Variants in DCSTAMP observed in about 807,000 individuals in gnomAD.
DCSTAMP encodes the protein dendrocyte expressed seven transmembrane protein.
A neutral mutation model predicts 33.8 loss-of-function variants in DCSTAMP; 25 were observed. The observed-to-expected ratio is 0.74, with a 90% CI of 0.54 to 1.03. DCSTAMP has a LOEUF of 1.03. DCSTAMP is among the 50% of genes least tolerant of loss of function. The pLI is 0.00. For missense variants in DCSTAMP, 531 were observed against 556.8 expected (o/e 0.95, Z 0.47); for synonymous variants, 245 against 216.7 (o/e 1.13, Z -1.15).
At chr8:104,342,055 G>A (rs2099382978) in intron 1 of DCSTAMP, among the ~76,000 whole-genome samples, 1 of 152,210 alleles carries the variant, frequency 6.6e-6, no homozygotes, top group African/African-American at 2.4e-5. Flanking sequence ...CGATGGAGAG[G>A]CAGAGGGAGG....
At chr8:104,349,729 C>T in intron 2 of DCSTAMP, 148 bp downstream of exon 2, 2 of 851,806 alleles carry the variant, frequency 2.3e-6, no homozygotes, top group Non-Finnish European at 3.6e-6. Context: ...TAGAAGGAAC[C>T]CAACAATTGC....
In DCSTAMP at chr8:104,356,239, C is replaced by G. The variant is rs760216940; in HGVS notation, c.*41C>G. On this transcript the variant is annotated 3_prime_UTR_variant, in exon 4 of 4. Transcript: ENST00000297581. ...CCTCAGCCACATCGCACCAACAATT[C>G]TCTTCAGGTCTAGGATGGCAGTCAC... is the stretch of plus-strand genomic sequence containing the variant. 1 of 1,580,458 alleles carries G rather than the reference C, an allele frequency of 6.3e-7. No homozygotes were observed. Among genetic ancestry groups the G allele is most frequent in the South Asian group, 1.1e-5 (1 of 87,252 alleles).
intron 2 of DCSTAMP, among the ~76,000 whole-genome samples, chr8:104,351,665 C>A (rs1018429924): frequency 6.6e-6 from 1 of 152,126 alleles, no homozygotes; most frequent in Admixed American, 6.5e-5. Context: ...AGTTCCCAAG[C>A]CATGTAACAC....
intron 1 of DCSTAMP, among the ~76,000 whole-genome samples, chr8:104,342,520 A>G (rs1477156195): frequency 6.6e-6 from 1 of 152,210 alleles, no homozygotes; most frequent in Non-Finnish European, 1.5e-5. Flanking sequence ...CTACAAGTTA[A>G]ATGGGGGCAT....
rs374638234 is a variant in DCSTAMP, at chr8:104,352,020, G to C, written c.1029+2439G>C. On this transcript the variant is annotated intron_variant, in intron 2 of 3. Coordinates refer to ENST00000297581, the MANE Select transcript of DCSTAMP (RefSeq NM_030788.4). The stretch of plus-strand genomic sequence containing the variant: ...CATATTTATGGGGTATCCAGTAGCT[G>C]TTTCCACGGGTCTGATTTGCCCTAC... 3.3e-5 allele frequency among the ~76,000 whole-genome samples: 5 copies of C among 152,182 alleles called. No individual in the cohort carries two copies. In the South Asian group the frequency reaches 8.3e-4, roughly 25 times the overall value.
chr8:104,351,968 AT>A (rs1377480533), intron 2 of DCSTAMP, among the ~76,000 whole-genome samples: 1 of 152,146 alleles, frequency 6.6e-6, no homozygotes, highest in Non-Finnish European at 1.5e-5. Flanking sequence ...TTTTATTGTT[AT>A]TTTTAATTGA....
intron 1 of DCSTAMP, among the ~76,000 whole-genome samples, chr8:104,346,147 A>G (rs186668576): frequency 1.0e-3 from 154 of 149,080 alleles, no homozygotes; most frequent in Middle Eastern, 3.4e-3. Context: ...TGCCAGATGC[A>G]AAGAGCATCT....
intron 1 of DCSTAMP, among the ~76,000 whole-genome samples, chr8:104,340,705 C>T (rs565416374): frequency 3.3e-5 from 5 of 152,326 alleles, no homozygotes; most frequent in South Asian, 2.1e-4. Flanking sequence ...TCCAAGGCCA[C>T]GCAACCTGGC....
chr8:104,342,675 G>A (rs991294426), intron 1 of DCSTAMP, among the ~76,000 whole-genome samples: 3 of 152,172 alleles, frequency 2.0e-5, no homozygotes, highest in Admixed American at 6.5e-5. Context: ...GCTGCCTGCA[G>A]GGGACAGGAT....
At position 104,356,233 on chromosome 8, in the gene DCSTAMP, A is replaced by T; in HGVS notation, c.*35A>T. 1 of 1,593,534 alleles carries T rather than the reference A, an allele frequency of 6.3e-7. No homozygotes were observed. The highest frequency in any genetic ancestry group is 8.6e-7 in the Non-Finnish European group (1 of 1,168,232). On this transcript the variant is annotated 3_prime_UTR_variant, in exon 4 of 4. Transcript: ENST00000297581. ...ACTACTCCTCAGCCACATCGCACCAACAATTCTCTTCAGGTCTAGGATGGC... is the reference window on the plus strand; with the variant it reads ...ACTACTCCTCAGCCACATCGCACCATCAATTCTCTTCAGGTCTAGGATGGC...
At chr8:104,354,442 G>A (rs994700468) in intron 2 of DCSTAMP, among the ~76,000 whole-genome samples, 1 of 152,006 alleles carries the variant, frequency 6.6e-6, no homozygotes. Flanking sequence ...TCTTTCTTTC[G>A]CCCCATGTGT....
chr8:104,344,253 A>C (rs7014121), intron 1 of DCSTAMP, among the ~76,000 whole-genome samples: 1 of 152,150 alleles, frequency 6.6e-6, no homozygotes, highest in Non-Finnish European at 1.5e-5. Flanking sequence ...AGTAATTTAA[A>C]TTTTATTTAA....
intron 1 of DCSTAMP, among the ~76,000 whole-genome samples, chr8:104,340,930 G>T (rs930928144): frequency 1.3e-5 from 2 of 152,210 alleles, no homozygotes; most frequent in Non-Finnish European, 2.9e-5. Flanking sequence ...TTGTCCCCTG[G>T]GGTGTCTGCA....
Position 104,348,551 on chromosome 8 carries a change from G to A in DCSTAMP, c.-2G>A. On this transcript the variant is annotated 5_prime_UTR_variant, in exon 2 of 4. Transcript: ENST00000297581. ...CTTTTTCATTTTCAGGACGCAGGGA[G>A]CATGGGTATCTGGACCTCAGGCACT... The A allele has an allele frequency of 1.9e-6, 3 of 1,611,656 alleles. No homozygotes were observed. The highest frequency in any genetic ancestry group is 2.5e-6 in the Non-Finnish European group (3 of 1,178,702).
At chr8:104,351,305 C>A (rs1810454878) in intron 2 of DCSTAMP, among the ~76,000 whole-genome samples, 1 of 152,180 alleles carries the variant, frequency 6.6e-6, no homozygotes, top group Admixed American at 6.5e-5. Context: ...TGTGTGTATG[C>A]ACATGTATGG....
intron 2 of DCSTAMP, among the ~76,000 whole-genome samples, chr8:104,351,388 G>A (rs1810460377): frequency 6.6e-6 from 1 of 152,186 alleles, no homozygotes. Flanking sequence ...TAATGCAGGT[G>A]AACCCCAAAA....
intron 2 of DCSTAMP, among the ~76,000 whole-genome samples, chr8:104,350,040 C>T (rs1406236876): frequency 6.6e-6 from 1 of 152,144 alleles, no homozygotes; most frequent in Non-Finnish European, 1.5e-5. Flanking sequence ...TCTCTCTCTG[C>T]CTCTGTCTTA....
At chr8:104,352,913 T>C (rs899195053) in intron 2 of DCSTAMP, among the ~76,000 whole-genome samples, 3 of 152,246 alleles carry the variant, frequency 2.0e-5, no homozygotes, top group African/African-American at 7.2e-5. Context: ...CCTGCCCTTA[T>C]GCCAGGGTGC....
Position 104,349,563 on chromosome 8 carries a change from C to T in DCSTAMP, c.1011C>T (p.His337=). The change falls in exon 2 of 4, where the codon CAC becomes CAT. Residue 337 remains histidine, a synonymous_variant. Transcript: ENST00000297581. ...QFQSLPGFEV[H]LKLHGEKQGT... ...AAAGCTTGCCAGGGTTTGAGGTTCACTTGAAACTGCACGGAGAGGTAGGGC... is the reference window on the plus strand; with the variant it reads ...AAAGCTTGCCAGGGTTTGAGGTTCATTTGAAACTGCACGGAGAGGTAGGGC... 1.2e-6 allele frequency: 2 copies of T among 1,612,502 alleles called. No individual in the cohort carries two copies. Among genetic ancestry groups the T allele is most frequent in the South Asian group, 1.1e-5 (1 of 90,640 alleles).
Sources: gnomAD v4.1 joint callset for allele counts (sites outside exome capture counted in the v4.1 genomes callset) on GRCh38, gnomAD v4.1.1 for gene constraint, MANE v1.5 for transcripts, NCBI Gene and HGNC (gene_info 2026-07-23, HGNC 2026-07-21) for gene names.